The following LDLRAD3 variants were observed in gnomAD, a reference collection of about 807,000 sequenced individuals.
LDLRAD3 encodes low-density lipoprotein receptor class A domain-containing protein 3.
Under a neutral mutation model 29.4 loss-of-function variants are expected in LDLRAD3, and 20 were observed. That is an observed-to-expected ratio of 0.68 (90% CI 0.48 to 0.99). The LOEUF is 0.99. Among genes scored for constraint, LDLRAD3 ranks in the 50% least tolerant of loss-of-function variants. The pLI is 0.00. For missense variants in LDLRAD3, 420 were observed against 454.3 expected, an observed-to-expected ratio of 0.92 and a Z score of 0.69; for synonymous variants, 157 against 192.7, an observed-to-expected ratio of 0.81 and a Z score of 1.53.
At chr11:36,147,376 C>G (rs1404236219) in intron 4 of LDLRAD3, among the ~76,000 whole-genome samples, 1 of 152,082 alleles carries the variant, frequency 6.6e-6, no homozygotes, top group East Asian at 1.9e-4. Context: ...CCTCGGCCTC[C>G]CAAAGTGCTG....
intron 3 of LDLRAD3, among the ~76,000 whole-genome samples, chr11:36,092,780 G>T (rs1019466462): frequency 6.6e-6 from 1 of 152,230 alleles, no homozygotes; most frequent in African/African-American, 2.4e-5. Context: ...AGAAGCCATA[G>T]ACCCTGAGAG....
intron 4 of LDLRAD3, among the ~76,000 whole-genome samples, chr11:36,178,660 A>T (rs1232648782): frequency 6.6e-6 from 1 of 152,194 alleles, no homozygotes; most frequent in Admixed American, 6.5e-5. Flanking sequence ...CCTTCCACTG[A>T]CCAGCGCTAA....
chr11:36,043,878 A>G (rs556986207), intron 2 of LDLRAD3, among the ~76,000 whole-genome samples: 1 of 152,336 alleles, frequency 6.6e-6, no homozygotes, highest in South Asian at 2.1e-4. Flanking sequence ...AGCTCTGTCC[A>G]TTAAACACTT....
intron 4 of LDLRAD3, among the ~76,000 whole-genome samples, chr11:36,206,472 G>C (rs977146912): frequency 3.3e-5 from 5 of 152,152 alleles, no homozygotes; most frequent in Non-Finnish European, 5.9e-5. Context: ...ACATGGGTCA[G>C]GTAAAGCACA....
chr11:36,081,686 TC>T lies in LDLRAD3; in HGVS notation c.231del (p.Cys78ValfsTer83). On this transcript the variant is annotated frameshift_variant, in exon 3 of 6. Coordinates refer to ENST00000315571, the MANE Select transcript of LDLRAD3 (RefSeq NM_174902.4). LOFTEE classifies it high-confidence loss of function. ...KAKSKCGPTF[F>X]PCASGIHCII... ...AAGTCGAAATGTGGCCCAACCTTCT[TC>T]CCCTGTGCCAGCGGCATCCATTGCA... is the stretch of plus-strand genomic sequence containing the variant. 1 of 1,614,220 alleles carries T rather than the reference TC, an allele frequency of 6.2e-7. No individual in the cohort carries two copies. Among genetic ancestry groups the T allele is most frequent in the Non-Finnish European group, 8.5e-7 (1 of 1,180,044 alleles).
chr11:35,953,132 A>G (rs1159884054), intron 1 of LDLRAD3, among the ~76,000 whole-genome samples: 15 of 152,196 alleles, frequency 9.9e-5, no homozygotes, highest in Admixed American at 9.8e-4. Context: ...TTGTTGAGTC[A>G]TTGTGATATC....
At chr11:36,093,111 G>A (rs1853307823) in intron 3 of LDLRAD3, among the ~76,000 whole-genome samples, 1 of 152,190 alleles carries the variant, frequency 6.6e-6, no homozygotes, top group Non-Finnish European at 1.5e-5. Flanking sequence ...GGACCAGGGA[G>A]AGCTTTATGA....
At chr11:36,079,543 A>G (rs1368901358) in intron 2 of LDLRAD3, among the ~76,000 whole-genome samples, 1 of 152,212 alleles carries the variant, frequency 6.6e-6, no homozygotes, top group Non-Finnish European at 1.5e-5. Flanking sequence ...TGTGGATACA[A>G]CTGGTTGGGG....
intron 3 of LDLRAD3, among the ~76,000 whole-genome samples, chr11:36,094,776 A>G (rs1172729816): frequency 6.6e-6 from 1 of 152,182 alleles, no homozygotes; most frequent in African/African-American, 2.4e-5. Flanking sequence ...ACCTCAAATG[A>G]TCCACCCACC....
intron 1 of LDLRAD3, among the ~76,000 whole-genome samples, chr11:36,018,995 C>T (rs557342527): frequency 3.9e-5 from 6 of 152,198 alleles, no homozygotes; most frequent in South Asian, 2.1e-4. Flanking sequence ...AAAAAAATCT[C>T]GATGGGCATT....
At chr11:36,197,054 A>T (rs901475018) in intron 4 of LDLRAD3, 1 of 152,218 alleles carries the variant, frequency 6.6e-6, no homozygotes, top group Non-Finnish European at 1.5e-5. Flanking sequence ...AGAGAATGCC[A>T]CTGAACCCCA....
chr11:36,009,898 A>G (rs554133385), intron 1 of LDLRAD3, among the ~76,000 whole-genome samples: 5 of 152,318 alleles, frequency 3.3e-5, no homozygotes, highest in Non-Finnish European at 7.4e-5. Flanking sequence ...AGCTTTGTAT[A>G]CATAGCCACT....
chr11:36,009,124 A>G (rs1851923268), intron 1 of LDLRAD3, among the ~76,000 whole-genome samples: 1 of 152,128 alleles, frequency 6.6e-6, no homozygotes, highest in South Asian at 2.1e-4. Flanking sequence ...CCTGGTATCC[A>G]GTGAAATGGA....
chr11:36,071,134 A>G (rs1258562771), intron 2 of LDLRAD3, among the ~76,000 whole-genome samples: 1 of 152,176 alleles, frequency 6.6e-6, no homozygotes, highest in Non-Finnish European at 1.5e-5. Context: ...AGAGACAGAG[A>G]TGGATGGAGA....
chr11:36,107,010 G>A (rs988647866), intron 4 of LDLRAD3, among the ~76,000 whole-genome samples: 5 of 152,068 alleles, frequency 3.3e-5, no homozygotes, highest in Non-Finnish European at 2.9e-5. Context: ...GAACTGACCC[G>A]GACCCACCCT....
At chr11:36,141,930 G>T (rs1854092613) in intron 4 of LDLRAD3, among the ~76,000 whole-genome samples, 1 of 152,220 alleles carries the variant, frequency 6.6e-6, no homozygotes, top group Non-Finnish European at 1.5e-5. Flanking sequence ...ATATCGATCT[G>T]CTCTGTGAAA....
chr11:36,156,394 G>C (rs1044342539), intron 4 of LDLRAD3, among the ~76,000 whole-genome samples: 1 of 152,242 alleles, frequency 6.6e-6, no homozygotes, highest in Non-Finnish European at 1.5e-5. Context: ...GTAGGGCCAG[G>C]TGCCTTGGCA....
At chr11:36,055,494 C>T (rs1852604986) in intron 2 of LDLRAD3, among the ~76,000 whole-genome samples, 1 of 152,190 alleles carries the variant, frequency 6.6e-6, no homozygotes, top group African/African-American at 2.4e-5. Context: ...TTCCTGGCAG[C>T]CTCACTGGCT....
chr11:36,117,579 C>A (rs1827777616), intron 4 of LDLRAD3, among the ~76,000 whole-genome samples: 1 of 152,156 alleles, frequency 6.6e-6, no homozygotes, highest in South Asian at 2.1e-4. Flanking sequence ...TAGGACAAAC[C>A]TAAAACATCG....
Sources: allele counts gnomAD v4.1 joint callset (sites outside exome capture counted in the v4.1 genomes callset), GRCh38; gene constraint gnomAD v4.1.1; transcripts MANE v1.5; gene names NCBI Gene and HGNC (gene_info 2026-07-23, HGNC 2026-07-21).